Variants in PCDHA3 observed in about 807,000 individuals in gnomAD.
PCDHA3 encodes protocadherin alpha-3.
PCDHA3 carries 41 observed loss-of-function variants against 62.2 expected under a neutral mutation model. That is an observed-to-expected ratio of 0.66 (90% CI 0.51 to 0.86). The LOEUF is 0.86. PCDHA3 is among the 40% of genes least tolerant of loss of function. The pLI is 0.00. For synonymous variants in PCDHA3, 640 were observed against 555.4 expected, an observed-to-expected ratio of 1.15 and a Z score of -2.14; for missense variants, 1,304 against 1,241.2, an observed-to-expected ratio of 1.05 and a Z score of -0.76.
chr5:140,936,003 C>T (rs1362734996), intron 1 of PCDHA3, among the ~76,000 whole-genome samples: 22 of 151,556 alleles, frequency 1.5e-4, no homozygotes, highest in Non-Finnish European at 1.5e-4. Context: ...AGCGATTCTC[C>T]CACCTCAGCC....
chr5:140,825,145 T>A (rs1768461480), intron 1 of PCDHA3: 2 of 151,846 alleles, frequency 1.3e-5, no homozygotes, highest in African/African-American at 4.8e-5. Flanking sequence ...ATATGAGTAT[T>A]GATTTTAATC....
At chr5:141,008,528 G>C (rs1343778561) in intron 3 of PCDHA3, among the ~76,000 whole-genome samples, 5 of 152,070 alleles carry the variant, frequency 3.3e-5, no homozygotes, top group African/African-American at 9.7e-5. Flanking sequence ...AGACTCTTGG[G>C]AATGTCTTTT....
At chr5:140,999,656 G>A (rs1483832540) in intron 3 of PCDHA3, among the ~76,000 whole-genome samples, 2 of 152,148 alleles carry the variant, frequency 1.3e-5, no homozygotes, top group African/African-American at 4.8e-5. Context: ...CCTGAGCCCT[G>A]CTGGGTTGCG....
intron 1 of PCDHA3, among the ~76,000 whole-genome samples, chr5:140,900,339 G>A (rs1019458960): frequency 7.2e-5 from 11 of 151,812 alleles, no homozygotes; most frequent in East Asian, 2.0e-4. Context: ...GTACCGTGGC[G>A]CAATCTTGGC....
intron 1 of PCDHA3, chr5:140,869,931 G>C (rs2051507983): frequency 6.2e-7 from 1 of 1,611,492 alleles, no homozygotes; most frequent in Admixed American, 1.7e-5. Flanking sequence ...TCAATGGAGA[G>C]GTAACATACT....
chr5:140,895,413 C>T (rs141941836), intron 1 of PCDHA3, among the ~76,000 whole-genome samples: 52 of 152,240 alleles, frequency 3.4e-4, no homozygotes, highest in African/African-American at 1.0e-3. Flanking sequence ...GCCCCATAAC[C>T]TTCTTTTGCT....
At chr5:140,917,242 T>C (rs564284004) in intron 1 of PCDHA3, among the ~76,000 whole-genome samples, 1 of 151,850 alleles carries the variant, frequency 6.6e-6, no homozygotes, top group African/African-American at 2.4e-5. Flanking sequence ...ATCTAGGTAC[T>C]ACGATTGCTC....
At chr5:140,931,791 T>A (rs1168945699) in intron 1 of PCDHA3, among the ~76,000 whole-genome samples, 1 of 152,016 alleles carries the variant, frequency 6.6e-6, no homozygotes, top group African/African-American at 2.4e-5. Context: ...CCTATTGATC[T>A]GATCTTAATT....
At chr5:140,828,739 T>C in intron 1 of PCDHA3, 2 of 1,614,220 alleles carry the variant, frequency 1.2e-6, no homozygotes, top group Non-Finnish European at 1.7e-6. Context: ...CAGCCACAGA[T>C]GGGGGCAAAC....
intron 1 of PCDHA3, chr5:140,969,583 A>G: frequency 1.1e-6 from 1 of 914,068 alleles, no homozygotes; most frequent in Admixed American, 3.0e-5. Context: ...AGTGAGGATT[A>G]GTCTTAATAT....
At chr5:140,873,161 C>G (rs946054760) in intron 1 of PCDHA3, among the ~76,000 whole-genome samples, 2 of 152,012 alleles carry the variant, frequency 1.3e-5, no homozygotes, top group South Asian at 2.1e-4. Context: ...GACTTTAGAT[C>G]GAGAGCTTTT....
chr5:140,835,478 A>C (rs2150236474), intron 1 of PCDHA3: 1 of 1,613,896 alleles, frequency 6.2e-7, no homozygotes, highest in South Asian at 1.1e-5. Context: ...ACGCCCAACC[A>C]GGTACCGTCA....
intron 1 of PCDHA3, chr5:140,882,754 T>C: frequency 1.2e-6 from 2 of 1,614,228 alleles, no homozygotes; most frequent in South Asian, 1.1e-5. Flanking sequence ...ATGCAGATAT[T>C]GGAGTAAACT....
At chr5:140,959,567 T>A (rs2095496193) in intron 1 of PCDHA3, among the ~76,000 whole-genome samples, 1 of 152,208 alleles carries the variant, frequency 6.6e-6, no homozygotes, top group Non-Finnish European at 1.5e-5. Context: ...AGTACTAGAT[T>A]TTTTGTTTCA....
At chr5:140,910,137 T>A (rs2074898699) in intron 1 of PCDHA3, among the ~76,000 whole-genome samples, 1 of 152,232 alleles carries the variant, frequency 6.6e-6, no homozygotes, top group Non-Finnish European at 1.5e-5. Flanking sequence ...CTGGTTTAAG[T>A]CTGGAAATTG....
chr5:140,837,077 T>G (rs1350684380), intron 1 of PCDHA3: 3 of 173,170 alleles, frequency 1.7e-5, no homozygotes, highest in Non-Finnish European at 3.7e-5. Context: ...AATCAATACC[T>G]ATAAATGTTA....
chr5:140,869,837 C>A (rs374182289), intron 1 of PCDHA3: 48 of 1,611,366 alleles, frequency 3.0e-5, no homozygotes, highest in Non-Finnish European at 3.6e-5. Flanking sequence ...TTTGATAAAT[C>A]AGAATATAAG....
At chr5:140,809,477 C>T (rs782448560) in intron 1 of PCDHA3, 3 of 1,614,224 alleles carry the variant, frequency 1.9e-6, no homozygotes, top group Non-Finnish European at 2.5e-6. Flanking sequence ...TGGTGAGGGC[C>T]CACCCAAGAC....
intron 1 of PCDHA3, chr5:140,843,126 G>T (rs1554139770): frequency 3.8e-6 from 6 of 1,595,828 alleles, no homozygotes; most frequent in Non-Finnish European, 5.1e-6. Flanking sequence ...GCCGACTCGG[G>T]CTACAACGCG....
Sources: gnomAD v4.1 joint callset for allele counts (sites outside exome capture counted in the v4.1 genomes callset) on GRCh38, gnomAD v4.1.1 for gene constraint, MANE v1.5 for transcripts, NCBI Gene and HGNC (gene_info 2026-07-23, HGNC 2026-07-21) for gene names.